GPM6A: variants seen among roughly 807,000 people sequenced by gnomAD.
GPM6A encodes the protein glycoprotein M6A.
Under a neutral mutation model 32.1 loss-of-function variants are expected in GPM6A, and 7 were observed. The ratio of observed to expected loss-of-function variants is 0.22; its 90% confidence interval spans 0.12 to 0.41. The LOEUF is 0.41. Among genes scored for constraint, GPM6A ranks in the 10% least tolerant of loss-of-function variants. The probability of loss-of-function intolerance (pLI) is 1.00; values close to 1 mark genes in which losing one functional copy is unlikely to be tolerated. For missense variants in GPM6A, 235 were observed against 347.2 expected (o/e 0.68, Z 2.57); for synonymous variants, 130 against 123.4 (o/e 1.05, Z -0.35).
chr4:175,666,944 A>AT (rs1742786533), intron 3 of GPM6A, among the ~76,000 whole-genome samples: 1 of 152,224 alleles, frequency 6.6e-6, no homozygotes, highest in Non-Finnish European at 1.5e-5. Flanking sequence ...AAACTATAGT[A>AT]TATTTGTAAG....
At chr4:175,714,096 A>T (rs1745701773) in intron 1 of GPM6A, among the ~76,000 whole-genome samples, 1 of 152,136 alleles carries the variant, frequency 6.6e-6, no homozygotes, top group African/African-American at 2.4e-5. Flanking sequence ...AGATTTTTAG[A>T]TGTCCTCTGT....
intron 3 of GPM6A, among the ~76,000 whole-genome samples, chr4:175,668,020 T>A (rs556519188): frequency 5.3e-4 from 80 of 152,330 alleles, no homozygotes; most frequent in Middle Eastern, 3.4e-3. Context: ...GTTGTAAGTC[T>A]CTTGTATTTT....
rs573300184 is a variant in GPM6A at position 175,765,107 on chromosome 4, C to T, written c.37+47084G>A. Among the ~76,000 whole-genome samples the T allele has an allele frequency of 1.4e-4, 22 of 152,136 alleles. No individual in the cohort carries two copies. The East Asian group carries it at 3.9e-3, about 27-fold the overall frequency. The stretch of plus-strand genomic sequence containing the variant: ...CAGGCTGGTCTCGAACTCCTGACCT[C>T]AGGTGATCCACCCACCTCGGCCCCC... On this transcript the variant is annotated intron_variant, in intron 1 of 6. Transcript: ENST00000393658.
rs141575278 is a variant in GPM6A at position 175,866,069 on chromosome 4, A to T, written c.-22-53820T>A. Among the ~76,000 whole-genome samples, 1,353 of 152,330 alleles carry T rather than the reference A, an allele frequency of 8.9e-3. 21 individuals carry two copies. Among genetic ancestry groups the T allele is most frequent in the South Asian group, 0.063 (305 of 4,828 alleles). On this transcript the variant is annotated intron_variant, in intron 1 of 7. Transcript: ENST00000280187. ...GTTTAAGTCTTTCACAGAATTTAAA[A>T]TGTTATCCAAGTTATTTAATCTATT...
At chr4:175,892,428 G>A (rs986500574) in intron 1 of GPM6A, among the ~76,000 whole-genome samples, 1 of 152,006 alleles carries the variant, frequency 6.6e-6, no homozygotes, top group South Asian at 2.1e-4. Flanking sequence ...TAATTCATGT[G>A]TCAACTATTT....
At chr4:175,653,225 TAG>T (rs1427349598) in intron 3 of GPM6A, among the ~76,000 whole-genome samples, 3 of 152,132 alleles carry the variant, frequency 2.0e-5, no homozygotes, top group Non-Finnish European at 2.9e-5. Context: ...GCGATTAACA[TAG>T]AGTTTATTGG....
At chr4:175,777,865 G>T (rs1733456461) in intron 1 of GPM6A, among the ~76,000 whole-genome samples, 1 of 152,100 alleles carries the variant, frequency 6.6e-6, no homozygotes, top group South Asian at 2.1e-4. Context: ...TAATCCCTCA[G>T]ATTATATGAT....
At chr4:175,979,323 T>C (rs1740754489) in intron 1 of GPM6A, among the ~76,000 whole-genome samples, 3 of 152,180 alleles carry the variant, frequency 2.0e-5, no homozygotes, top group African/African-American at 7.2e-5. Flanking sequence ...CCAGGTGGTA[T>C]AGGATGAGCA....
At chr4:175,721,040 TTATATA>T (rs1553981496) in intron 1 of GPM6A, among the ~76,000 whole-genome samples, 1 of 44,706 alleles carries the variant, frequency 2.2e-5, no homozygotes, top group African/African-American at 5.7e-5. Flanking sequence ...TACATATATA[TTATATA>T]TATATATGTA....
chr4:175,750,878 T>C (rs1206785240), intron 1 of GPM6A, among the ~76,000 whole-genome samples: 2 of 152,196 alleles, frequency 1.3e-5, no homozygotes, highest in East Asian at 3.8e-4. Context: ...GAGGCTATTT[T>C]ACTACAGCCT....
At chr4:175,909,051 G>T (rs1738230400) in intron 1 of GPM6A, among the ~76,000 whole-genome samples, 1 of 79,466 alleles carries the variant, frequency 1.3e-5, no homozygotes, top group Admixed American at 2.0e-4. Context: ...GCGGGGGGGG[G>T]GCAACTAGCT....
At chr4:175,709,727 C>CA (rs559363193) in intron 1 of GPM6A, among the ~76,000 whole-genome samples, 12,872 of 68,184 alleles carry the variant, frequency 0.19, 1,017 homozygotes, top group East Asian at 0.26. Context: ...GACTCCATCT[C>CA]AAAAAAAAAA....
intron 1 of GPM6A, among the ~76,000 whole-genome samples, chr4:175,959,238 T>C (rs1461792930): frequency 6.6e-6 from 1 of 152,148 alleles, no homozygotes; most frequent in Non-Finnish European, 1.5e-5. Context: ...GGGAACTCTC[T>C]ATATTCACAT....
At chr4:175,995,144 T>C (rs533258554) in intron 1 of GPM6A, among the ~76,000 whole-genome samples, 1 of 152,292 alleles carries the variant, frequency 6.6e-6, no homozygotes, top group South Asian at 2.1e-4. Context: ...CCATGAAGAC[T>C]GGAATCAATC....
At chr4:175,682,245 T>A (rs73020128) in intron 2 of GPM6A, among the ~76,000 whole-genome samples, 9,349 of 152,248 alleles carry the variant, frequency 0.061, 316 homozygotes, top group African/African-American at 0.077. Flanking sequence ...ATTTCTAAGC[T>A]GCTAAGTATT....
chr4:175,775,705 T>G (rs1733366379), intron 1 of GPM6A, among the ~76,000 whole-genome samples: 1 of 152,170 alleles, frequency 6.6e-6, no homozygotes, highest in African/African-American at 2.4e-5. Context: ...TCAGGAAAAT[T>G]TCTGGTGGTA....
At chr4:175,850,662 A>G (rs1347194240) in intron 1 of GPM6A, among the ~76,000 whole-genome samples, 1 of 152,030 alleles carries the variant, frequency 6.6e-6, no homozygotes, top group Non-Finnish European at 1.5e-5. Context: ...TTAGACCCCA[A>G]TATCTGTTTA....
chr4:175,848,552 T>C (rs2111397694), intron 1 of GPM6A, among the ~76,000 whole-genome samples: 1 of 152,312 alleles, frequency 6.6e-6, no homozygotes, highest in East Asian at 1.9e-4. Context: ...AAACAGATTA[T>C]AATTTAGAGA....
At chr4:175,923,377 G>A (rs1158160507) in intron 1 of GPM6A, among the ~76,000 whole-genome samples, 2 of 148,626 alleles carry the variant, frequency 1.3e-5, no homozygotes, top group South Asian at 2.2e-4. Context: ...TTCTGGCTAC[G>A]AGATACCTGG....
Sources: allele counts gnomAD v4.1 joint callset (sites outside exome capture counted in the v4.1 genomes callset), GRCh38; gene constraint gnomAD v4.1.1; transcripts MANE v1.5; gene names NCBI Gene and HGNC (gene_info 2026-07-23, HGNC 2026-07-21).